Variants in JPT1 observed in about 807,000 individuals in gnomAD.
The protein encoded by JPT1 is Jupiter microtubule associated homolog 1.
JPT1 carries 5 observed loss-of-function variants against 17.0 expected under a neutral mutation model. That is an observed-to-expected ratio of 0.29 (90% CI 0.15 to 0.62). The LOEUF is 0.62. JPT1 is among the 20% of genes least tolerant of loss of function. JPT1 has a pLI of 0.85. For missense variants in JPT1, 158 were observed against 188.1 expected, an observed-to-expected ratio of 0.84 and a Z score of 0.94; for synonymous variants, 71 against 73.6, an observed-to-expected ratio of 0.96 and a Z score of 0.18.
chr17:75,141,821 C>T (rs549290251), intron 4 of JPT1, among the ~76,000 whole-genome samples: 5 of 152,144 alleles, frequency 3.3e-5, no homozygotes, highest in South Asian at 2.1e-4. Context: ...TGCCTCCCAG[C>T]GCTTTGGGAG....
intron 1 of JPT1, among the ~76,000 whole-genome samples, chr17:75,151,550 G>GGAGGCT (rs1438735732): frequency 6.6e-6 from 1 of 152,090 alleles, no homozygotes; most frequent in Non-Finnish European, 1.5e-5. Context: ...CGACTATTCA[G>GGAGGCT]GAGGCTGAGG....
At chr17:75,150,214 A>G (rs2074520829) in intron 1 of JPT1, among the ~76,000 whole-genome samples, 1 of 151,688 alleles carries the variant, frequency 6.6e-6, no homozygotes, top group Admixed American at 6.6e-5. Context: ...ACCTCTCAAA[A>G]CAGAAAATGC....
chr17:75,136,291 C>G (rs1253608882), intron 4 of JPT1, 41 bp from the exon 5 acceptor site: 1 of 1,500,594 alleles, frequency 6.7e-7, no homozygotes, highest in South Asian at 1.4e-5. Context: ...ATAATGACAG[C>G]CATTTCCTGT....
intron 3 of JPT1, among the ~76,000 whole-genome samples, chr17:75,147,052 C>A (rs1017333350): frequency 2.0e-5 from 3 of 152,188 alleles, no homozygotes; most frequent in African/African-American, 7.2e-5. Context: ...TGGAAGGACC[C>A]CTATCAGTTC....
chr17:75,147,742 T>C (rs1367536092), intron 2 of JPT1, 89 bp from the exon 3 acceptor site: 2 of 1,019,324 alleles, frequency 2.0e-6, no homozygotes, highest in Admixed American at 1.9e-5. Flanking sequence ...CTCATGCCTG[T>C]AATCTCAGTG....
chr17:75,152,110 A>T (rs1165533119), intron 1 of JPT1, among the ~76,000 whole-genome samples: 1 of 152,216 alleles, frequency 6.6e-6, no homozygotes. Flanking sequence ...GGATGACGTC[A>T]GTGTTGTAGA....
chr17:75,137,540 T>G (rs539732389), intron 4 of JPT1, among the ~76,000 whole-genome samples: 38 of 151,748 alleles, frequency 2.5e-4, no homozygotes, highest in Non-Finnish European at 4.1e-4. Context: ...TTTTTTTTTT[T>G]TTTTATTTTT....
intron 2 of JPT1, 179 bp from the exon 3 acceptor site, chr17:75,147,832 C>T: frequency 1.8e-6 from 1 of 551,614 alleles, no homozygotes; most frequent in Admixed American, 3.0e-5. Flanking sequence ...AACCCTGTCT[C>T]TACTAAAAAT....
intron 4 of JPT1, among the ~76,000 whole-genome samples, chr17:75,136,666 A>G: frequency 6.6e-6 from 1 of 151,984 alleles, no homozygotes; most frequent in Non-Finnish European, 1.5e-5. Flanking sequence ...TAATTCTTGT[A>G]TTTTTAGTAC....
chr17:75,151,825 C>T (rs2074558638), intron 1 of JPT1, among the ~76,000 whole-genome samples: 1 of 151,470 alleles, frequency 6.6e-6, no homozygotes, highest in African/African-American at 2.4e-5. Flanking sequence ...TAAAATTAGC[C>T]AGGCGTTTTG....
chr17:75,147,709 A>G, intron 2 of JPT1, 56 bp from the exon 3 acceptor site: 2 of 1,416,634 alleles, frequency 1.4e-6, no homozygotes, highest in South Asian at 2.3e-5. Context: ...CTAAAGCAAA[A>G]CACTTCAGGC....
At chr17:75,141,770 AT>A (rs1273633050) in intron 4 of JPT1, among the ~76,000 whole-genome samples, 3 of 152,022 alleles carry the variant, frequency 2.0e-5, no homozygotes, top group African/African-American at 7.2e-5. Flanking sequence ...TCTGCTAAAA[AT>A]AAAAAAAATT....
At chr17:75,153,218 C>CT (rs1364395965) in intron 1 of JPT1, 1 of 152,200 alleles carries the variant, frequency 6.6e-6, no homozygotes, top group Non-Finnish European at 1.5e-5. Context: ...TGTAACCCAC[C>CT]TTAAAGAACA....
At chr17:75,152,986 T>C (rs373350968) in intron 1 of JPT1, 1 of 152,158 alleles carries the variant, frequency 6.6e-6, no homozygotes, top group Non-Finnish European at 1.5e-5. Context: ...TAAGGCTCAA[T>C]TGCTGAGTGA....
chr17:75,150,703 T>C (rs1423266359), intron 1 of JPT1, among the ~76,000 whole-genome samples: 1 of 151,978 alleles, frequency 6.6e-6, no homozygotes, highest in Non-Finnish European at 1.5e-5. Context: ...TTTTTTTAAC[T>C]TCTTTTTTTT....
At chr17:75,139,819 AAAAT>A (rs1472670177) in intron 4 of JPT1, among the ~76,000 whole-genome samples, 12 of 152,190 alleles carry the variant, frequency 7.9e-5, no homozygotes, top group Admixed American at 3.9e-4. Flanking sequence ...CTCCGTCTCA[AAAAT>A]AAATAAATGT....
intron 1 of JPT1, among the ~76,000 whole-genome samples, chr17:75,152,729 G>A (rs537343796): frequency 2.0e-5 from 3 of 152,192 alleles, no homozygotes; most frequent in South Asian, 2.1e-4. Flanking sequence ...AAGTCTAACC[G>A]GCAGAAAGTT....
At chr17:75,149,261 CAGA>C (rs2074498375) in intron 1 of JPT1, 1 of 336,562 alleles carries the variant, frequency 3.0e-6, no homozygotes, top group African/African-American at 2.2e-5. Flanking sequence ...GACTCTGAGA[CAGA>C]AGGATCGTTT....
In JPT1 at chr17:75,147,628, T is replaced by G; in HGVS notation, c.225A>C (p.Glu75Asp). 6.2e-7 allele frequency: 1 copy of G among 1,613,892 alleles called. No homozygotes were observed. The highest frequency in any genetic ancestry group is 2.2e-5 in the East Asian group (1 of 44,884). ...SAGAKSSGGREDLESSGLQRR... is the reference protein window; with the variant it reads ...SAGAKSSGGRDDLESSGLQRR... ...TCTGCAGTCCAGATGACTCCAAGTC[T>G]TCCCTGCCACCACTAGACTTGGCAC... The change falls in exon 3 of 5, where the codon GAA becomes GAC. Residue 75 changes from glutamate (E) to aspartate (D), a missense_variant. Glu to Asp is a conservative substitution (Grantham distance 45). Coordinates refer to ENST00000409753, the MANE Select transcript of JPT1 (RefSeq NM_016185.4).
Sources: allele counts gnomAD v4.1 joint callset (sites outside exome capture counted in the v4.1 genomes callset), GRCh38; gene constraint gnomAD v4.1.1; transcripts MANE v1.5; gene names NCBI Gene and HGNC (gene_info 2026-07-23, HGNC 2026-07-21).